The following SDK1 variants were observed in gnomAD, a reference collection of about 807,000 sequenced individuals.
SDK1 encodes protein sidekick-1.
In SDK1, 157 loss-of-function variants were observed where a neutral mutation model predicts 245.5. The ratio of observed to expected loss-of-function variants is 0.64; its 90% confidence interval spans 0.56 to 0.73. The LOEUF (loss-of-function observed/expected upper bound fraction) is 0.73, where lower values mean the gene tolerates loss of function less well. SDK1 is among the 30% of genes least tolerant of loss of function. The probability of loss-of-function intolerance (pLI) is 0.00; values close to 1 mark genes in which losing one functional copy is unlikely to be tolerated. For synonymous variants in SDK1, 1,647 were observed against 1,278.5 expected (o/e 1.29, Z -6.15); for missense variants, 3,583 against 3,002.3 (o/e 1.19, Z -4.52).
chr7:3,472,563 A>G (rs1781217227), intron 1 of SDK1, among the ~76,000 whole-genome samples: 1 of 152,208 alleles, frequency 6.6e-6, no homozygotes, highest in Non-Finnish European at 1.5e-5. Flanking sequence ...ATAACTGATA[A>G]TAGCTGGTTC....
At chr7:4,153,508 C>T (rs1780523951) in intron 30 of SDK1, among the ~76,000 whole-genome samples, 1 of 152,182 alleles carries the variant, frequency 6.6e-6, no homozygotes, top group Admixed American at 6.5e-5. Flanking sequence ...ATTGCTTGAA[C>T]CTGAGCGGCG....
chr7:3,403,866 TATA>T (rs1562466237), intron 1 of SDK1, among the ~76,000 whole-genome samples: 11 of 115,724 alleles, frequency 9.5e-5, no homozygotes, highest in Admixed American at 1.8e-4. Context: ...TATATATATA[TATA>T]ATATATATAT....
intron 5 of SDK1, among the ~76,000 whole-genome samples, chr7:3,821,910 C>T (rs112052763): frequency 3.3e-5 from 5 of 152,196 alleles, no homozygotes; most frequent in African/African-American, 7.2e-5. Context: ...GAATTGTATC[C>T]ATGAACCTAA....
chr7:3,455,000 C>G (rs771624520), intron 1 of SDK1, among the ~76,000 whole-genome samples: 3 of 152,044 alleles, frequency 2.0e-5, no homozygotes, highest in Non-Finnish European at 4.4e-5. Context: ...TGGTGTTATC[C>G]TTATTTTTTT....
Position 3,813,673 on chromosome 7 carries a change from C to G in SDK1, c.714-7777C>G, listed in dbSNP as rs71524015. ...AATGGTATTTCTAGTTCTAGATCCC[C>G]GAGGAATCGCCACACTGACTTCCAC... On this transcript the variant is annotated intron_variant, in intron 4 of 44. Transcript: ENST00000404826. 2.4e-5 allele frequency among the ~76,000 whole-genome samples: 3 copies of G among 122,714 alleles called. No individual in the cohort carries two copies. In the South Asian group the frequency reaches 8.2e-4, roughly 33 times the overall value. 80.5% of individuals were successfully genotyped at this position (122,714 alleles called of 152,430 possible).
At chr7:3,818,605 A>T (rs977215288) in intron 4 of SDK1, among the ~76,000 whole-genome samples, 4 of 152,140 alleles carry the variant, frequency 2.6e-5, no homozygotes, top group Admixed American at 6.5e-5. Context: ...TGCTGTTGTG[A>T]ATCTGTATTG....
chr7:3,592,527 G>A (rs1234028812), intron 1 of SDK1, among the ~76,000 whole-genome samples: 1 of 152,142 alleles, frequency 6.6e-6, no homozygotes, highest in Non-Finnish European at 1.5e-5. Flanking sequence ...GATGCTGTTT[G>A]TGTATTGCTG....
chr7:3,462,426 C>G (rs1235899689), intron 1 of SDK1, among the ~76,000 whole-genome samples: 1 of 152,168 alleles, frequency 6.6e-6, no homozygotes, highest in Non-Finnish European at 1.5e-5. Context: ...AGTTCTGTTC[C>G]ATTCTCAACC....
At chr7:4,160,509 T>A (rs1034955010) in intron 31 of SDK1, among the ~76,000 whole-genome samples, 12 of 152,214 alleles carry the variant, frequency 7.9e-5, no homozygotes, top group Non-Finnish European at 1.6e-4. Flanking sequence ...GGAGTTGCAT[T>A]GTATTTGTGT....
intron 22 of SDK1, among the ~76,000 whole-genome samples, chr7:4,081,928 A>G (rs943764903): frequency 3.3e-5 from 5 of 152,210 alleles, no homozygotes; most frequent in Admixed American, 6.5e-5. Flanking sequence ...TGTGTCTAAA[A>G]TGCCTGTTCA....
At chr7:3,840,755 C>G (rs915235882) in intron 5 of SDK1, among the ~76,000 whole-genome samples, 1 of 152,210 alleles carries the variant, frequency 6.6e-6, no homozygotes, top group African/African-American at 2.4e-5. Context: ...CAGAGCTACT[C>G]GCAGTATGAT....
chr7:3,671,318 T>A (rs747102279), intron 4 of SDK1, among the ~76,000 whole-genome samples: 4 of 152,348 alleles, frequency 2.6e-5, no homozygotes, highest in Admixed American at 6.5e-5. Flanking sequence ...GGCCTCTACA[T>A]TGTGTGAGTC....
At chr7:3,347,051 A>G (rs115544835) in intron 1 of SDK1, among the ~76,000 whole-genome samples, 3 of 151,208 alleles carry the variant, frequency 2.0e-5, no homozygotes, top group Non-Finnish European at 2.9e-5. Flanking sequence ...GTCTGCAGTT[A>G]AATTCTTGCT....
intron 5 of SDK1, among the ~76,000 whole-genome samples, chr7:3,906,455 G>T (rs1001570761): frequency 5.3e-5 from 8 of 151,774 alleles, no homozygotes; most frequent in African/African-American, 1.9e-4. Context: ...TTCATTAATT[G>T]TTACATTCAT....
chr7:3,684,821 C>G (rs1159565195), intron 4 of SDK1, among the ~76,000 whole-genome samples: 2 of 151,618 alleles, frequency 1.3e-5, no homozygotes, highest in African/African-American at 2.4e-5. Context: ...AAGCAGAGAA[C>G]TGAAAAATAG....
chr7:4,005,130 C>G (rs1456378835), intron 14 of SDK1, among the ~76,000 whole-genome samples: 1 of 147,176 alleles, frequency 6.8e-6, no homozygotes, highest in African/African-American at 2.5e-5. Context: ...ACTGCAACCT[C>G]CATCTCCTGG....
chr7:3,777,678 C>A (rs1265074545), intron 4 of SDK1, among the ~76,000 whole-genome samples: 6 of 152,150 alleles, frequency 3.9e-5, no homozygotes, highest in Admixed American at 3.9e-4. Flanking sequence ...TTTCGATTGA[C>A]CACCAGCTTA....
intron 4 of SDK1, among the ~76,000 whole-genome samples, chr7:3,751,064 A>G (rs2115064334): frequency 6.6e-6 from 1 of 152,312 alleles, no homozygotes; most frequent in East Asian, 1.9e-4. Context: ...TCCACCCTGC[A>G]GCCACTGTCA....
intron 41 of SDK1, among the ~76,000 whole-genome samples, chr7:4,234,766 G>A (rs538215060): frequency 1.3e-5 from 2 of 152,350 alleles, no homozygotes; most frequent in Admixed American, 6.5e-5. Context: ...ATTCTATCGT[G>A]CAGACCGGCT....
Sources: allele counts gnomAD v4.1 joint callset (sites outside exome capture counted in the v4.1 genomes callset), GRCh38; gene constraint gnomAD v4.1.1; transcripts MANE v1.5; gene names NCBI Gene and HGNC (gene_info 2026-07-23, HGNC 2026-07-21).